The following CHCHD6 variants were observed in gnomAD, a reference collection of about 807,000 sequenced individuals.
CHCHD6 encodes MICOS complex subunit MIC25.
Under a neutral mutation model 32.3 loss-of-function variants are expected in CHCHD6, and 28 were observed. That is an observed-to-expected ratio of 0.87 (90% CI 0.64 to 1.19). The LOEUF is 1.19. Among genes scored for constraint, CHCHD6 ranks in the 50% most tolerant of loss-of-function variants. CHCHD6 has a pLI of 0.00. For missense variants in CHCHD6, 333 were observed against 307.0 expected (o/e 1.08, Z -0.63); for synonymous variants, 122 against 117.5 (o/e 1.04, Z -0.25).
At chr3:126,714,449 G>A (rs1934912510) in intron 1 of CHCHD6, among the ~76,000 whole-genome samples, 1 of 152,102 alleles carries the variant, frequency 6.6e-6, no homozygotes, top group African/African-American at 2.4e-5. Flanking sequence ...TCAGCTCATA[G>A]AAAACTGAAG....
chr3:126,801,193 G>A (rs577216474), intron 4 of CHCHD6, among the ~76,000 whole-genome samples: 1 of 152,346 alleles, frequency 6.6e-6, no homozygotes, highest in South Asian at 2.1e-4. Flanking sequence ...CTTACTAGGG[G>A]GTGCCAGACA....
intron 4 of CHCHD6, among the ~76,000 whole-genome samples, chr3:126,841,255 T>C (rs1465024566): frequency 2.6e-5 from 4 of 152,214 alleles, no homozygotes. Context: ...TAGTATTCCA[T>C]GGTGTATATG....
intron 5 of CHCHD6, among the ~76,000 whole-genome samples, chr3:126,857,966 T>C (rs1264038794): frequency 6.9e-6 from 1 of 144,558 alleles, no homozygotes; most frequent in African/African-American, 2.4e-5. Flanking sequence ...GTTCACCAGA[T>C]GTGCCCCCAG....
chr3:126,705,208 C>T (rs1384666473), intron 1 of CHCHD6, among the ~76,000 whole-genome samples: 1 of 152,176 alleles, frequency 6.6e-6, no homozygotes, highest in East Asian at 1.9e-4. Flanking sequence ...AGTAACCTCC[C>T]ACCCCGCGTC....
chr3:126,889,483 G>A (rs1333850671), intron 5 of CHCHD6, among the ~76,000 whole-genome samples: 3 of 152,084 alleles, frequency 2.0e-5, no homozygotes, highest in African/African-American at 4.8e-5. Context: ...CTTGGTACTC[G>A]GGCTCCTCAG....
rs145573700 is a variant in CHCHD6, at chr3:126,767,241, C to T, written c.411+34019C>T. On this transcript the variant is annotated intron_variant, in intron 4 of 7. Transcript: ENST00000290913. The stretch of plus-strand genomic sequence containing the variant: ...GGCTGGCCATTGTATATTATCTGTG[C>T]GGGGCTGGGGATAGTGTCTGTCAGG... 6.5e-4 allele frequency: 943 copies of T among 1,460,146 alleles called. 1 individual carries two copies. The highest frequency in any genetic ancestry group is 6.6e-4 in the Non-Finnish European group (690 of 1,041,738). 90.4% of individuals were successfully genotyped at this position (1,460,146 alleles called of 1,614,324 possible).
intron 4 of CHCHD6, among the ~76,000 whole-genome samples, chr3:126,803,112 C>T (rs1324263117): frequency 2.0e-5 from 3 of 151,866 alleles, no homozygotes; most frequent in Non-Finnish European, 2.9e-5. Context: ...CAAAAACATG[C>T]GAAAATGTAA....
At chr3:126,727,048 T>C in intron 1 of CHCHD6, 30 bp from the exon 2 acceptor site, 1 of 1,538,058 alleles carries the variant, frequency 6.5e-7, no homozygotes, top group Non-Finnish European at 9.0e-7. Flanking sequence ...TGACATAACT[T>C]TTTCTTTTCC....
intron 7 of CHCHD6, among the ~76,000 whole-genome samples, chr3:126,959,608 TTC>T (rs2078831817): frequency 6.6e-6 from 1 of 152,216 alleles, no homozygotes. Context: ...GCAGCACTGC[TTC>T]TCTCTCCAGG....
intron 4 of CHCHD6, among the ~76,000 whole-genome samples, chr3:126,776,487 C>T (rs1937653693): frequency 6.6e-6 from 1 of 152,188 alleles, no homozygotes; most frequent in South Asian, 2.1e-4. Context: ...CAGTCCTGCA[C>T]ACATCCCTCT....
intron 5 of CHCHD6, among the ~76,000 whole-genome samples, chr3:126,887,849 C>G (rs1165724254): frequency 1.3e-5 from 2 of 152,228 alleles, no homozygotes; most frequent in Admixed American, 6.5e-5. Context: ...ATCACGGACA[C>G]AGAACATCTG....
chr3:126,754,572 AG>A (rs1936873179), intron 4 of CHCHD6, among the ~76,000 whole-genome samples: 1 of 152,220 alleles, frequency 6.6e-6, no homozygotes, highest in Non-Finnish European at 1.5e-5. Context: ...GAGCATGTCC[AG>A]GAACATTCTT....
chr3:126,907,843 G>A (rs2078027793), intron 5 of CHCHD6, among the ~76,000 whole-genome samples: 1 of 152,180 alleles, frequency 6.6e-6, no homozygotes. Flanking sequence ...CCATGTGCTG[G>A]CATCTGCGTG....
chr3:126,896,132 G>A lies in CHCHD6; in HGVS notation c.496-18548G>A, dbSNP rs1015203074. On this transcript the variant is annotated intron_variant, in intron 5 of 7. Transcript: ENST00000290913. ...TACATGAAGCTTTGAGGAGAGAGAT[G>A]CTATTTTTATATTAAAGCAAACACT... Among the ~76,000 whole-genome samples, 3 of 152,136 alleles carry A rather than the reference G, an allele frequency of 2.0e-5. 1 individual carries two copies.
At chr3:126,921,004 A>C (rs1430309886) in intron 6 of CHCHD6, among the ~76,000 whole-genome samples, 3 of 152,102 alleles carry the variant, frequency 2.0e-5, no homozygotes, top group Non-Finnish European at 4.4e-5. Context: ...GGCCTTTCAC[A>C]AGCTGCTCCA....
chr3:126,866,727 A>G (rs1008171644), intron 5 of CHCHD6, among the ~76,000 whole-genome samples: 1 of 152,184 alleles, frequency 6.6e-6, no homozygotes, highest in Non-Finnish European at 1.5e-5. Flanking sequence ...CCCAGACTTA[A>G]TGATTTTGTC....
rs112499383 is a variant in CHCHD6 at position 126,835,441 on chromosome 3, G to A, written c.412-17206G>A. Among the ~76,000 whole-genome samples the A allele has an allele frequency of 3.6e-3, 541 of 152,270 alleles. 3 individuals carry two copies. The highest frequency in any genetic ancestry group is 0.013 in the African/African-American group (521 of 41,538). On this transcript the variant is annotated intron_variant, in intron 4 of 7. Coordinates refer to ENST00000290913, the MANE Select transcript of CHCHD6 (RefSeq NM_032343.3). ...TCCAGAGAACCTTTCTGACTCATGGGCTTACAATCCCTGAGGTCTGAAGTG... is the reference window on the plus strand; with the variant it reads ...TCCAGAGAACCTTTCTGACTCATGGACTTACAATCCCTGAGGTCTGAAGTG...
At chr3:126,788,609 G>A (rs1159422114) in intron 4 of CHCHD6, among the ~76,000 whole-genome samples, 1 of 152,148 alleles carries the variant, frequency 6.6e-6, no homozygotes, top group Non-Finnish European at 1.5e-5. Flanking sequence ...TAGTTTATTT[G>A]TGTAGAAGTG....
intron 6 of CHCHD6, among the ~76,000 whole-genome samples, chr3:126,925,547 T>C (rs2078310282): frequency 6.6e-6 from 1 of 152,226 alleles, no homozygotes; most frequent in African/African-American, 2.4e-5. Flanking sequence ...GAATGTAGTA[T>C]ACAGCCAGCC....
Sources: allele counts gnomAD v4.1 joint callset (sites outside exome capture counted in the v4.1 genomes callset), GRCh38; gene constraint gnomAD v4.1.1; transcripts MANE v1.5; gene names NCBI Gene and HGNC (gene_info 2026-07-23, HGNC 2026-07-21).